NSRP1: variants seen among roughly 807,000 people sequenced by gnomAD.
The protein encoded by NSRP1 is nuclear speckle splicing regulatory protein 1.
A neutral mutation model predicts 54.7 loss-of-function variants in NSRP1; 24 were observed. The ratio of observed to expected loss-of-function variants is 0.44; its 90% confidence interval spans 0.32 to 0.62. The LOEUF is 0.62. Among genes scored for constraint, NSRP1 ranks in the 20% least tolerant of loss-of-function variants. The pLI is 0.06. For missense variants in NSRP1, 596 were observed against 651.2 expected (o/e 0.92, Z 0.92); for synonymous variants, 210 against 213.8 (o/e 0.98, Z 0.15).
At chr17:30,147,408 G>A (rs773683944) in intron 2 of NSRP1, among the ~76,000 whole-genome samples, 1 of 152,004 alleles carries the variant, frequency 6.6e-6, no homozygotes, top group Non-Finnish European at 1.5e-5. Context: ...GGGATTACAG[G>A]TGTGAGCCAC....
At chr17:30,152,860 T>G (rs2071925523) in intron 2 of NSRP1, among the ~76,000 whole-genome samples, 1 of 151,880 alleles carries the variant, frequency 6.6e-6, no homozygotes, top group Non-Finnish European at 1.5e-5. Context: ...AGCTTTTGAT[T>G]CATATTTGCC....
chr17:30,182,253 C>T (rs1861174905), intron 6 of NSRP1, among the ~76,000 whole-genome samples: 1 of 152,022 alleles, frequency 6.6e-6, no homozygotes, highest in Non-Finnish European at 1.5e-5. Flanking sequence ...TAAATAGAAC[C>T]CAGCCTTCCT....
At position 30,164,379 on chromosome 17, in the gene NSRP1, A is replaced by G. The variant is rs571656663; in HGVS notation, c.115-8163A>G. 5.3e-5 allele frequency among the ~76,000 whole-genome samples: 8 copies of G among 152,320 alleles called. No individual in the cohort carries two copies. The South Asian group carries it at 1.7e-3, about 32-fold the overall frequency. On this transcript the variant is annotated intron_variant, in intron 2 of 6. Coordinates refer to ENST00000247026, the MANE Select transcript of NSRP1 (RefSeq NM_032141.4). Reference sequence around the variant, plus strand: ...ATATTAGTGTGTTTTTTGTACTTTTAGAACAGTTCTAATGTTTGCATTTGA... The same window carrying G: ...ATATTAGTGTGTTTTTTGTACTTTTGGAACAGTTCTAATGTTTGCATTTGA...
Position 30,185,166 on chromosome 17 carries a change from G to A in NSRP1, c.1169G>A (p.Arg390Lys). Residue 390 changes from arginine (R) to lysine (K), a missense_variant, in exon 7 of 7, where the codon AGA becomes AAA. By Grantham distance (26) the Arg-to-Lys change is conservative. Coordinates refer to ENST00000247026, the MANE Select transcript of NSRP1 (RefSeq NM_032141.4). ...AAAGATAGGGAGAAATATTCCCAAAGAGAACAAGAAAGAGATAGACAACAA... is the reference window on the plus strand; with the variant it reads ...AAAGATAGGGAGAAATATTCCCAAAAAGAACAAGAAAGAGATAGACAACAA... ...REKDREKYSQ[R>K]EQERDRQQND... is the part of the protein sequence containing the mutation. The A allele has an allele frequency of 6.3e-7, 1 of 1,581,354 alleles. No individual in the cohort carries two copies. Among genetic ancestry groups the A allele is most frequent in the South Asian group, 1.1e-5 (1 of 87,400 alleles).
Position 30,184,750 on chromosome 17 carries a change from T to C in NSRP1, c.753T>C (p.Asp251=). The C allele has an allele frequency of 1.2e-6, 2 of 1,614,126 alleles. No homozygotes were observed. Among genetic ancestry groups the C allele is most frequent in the South Asian group, 1.1e-5 (1 of 91,054 alleles). ...EENPDADSDF[D]AKSSADDEIE... is the part of the protein sequence containing the mutation. ...ACCCAGATGCAGACAGTGACTTCGA[T>C]GCTAAGAGCAGTGCGGATGATGAAA... Residue 251 remains aspartate, a synonymous_variant, in exon 7 of 7, where the codon GAT becomes GAC. Transcript: ENST00000247026.
At chr17:30,122,387 T>TA (rs56155916) in intron 2 of NSRP1, 42 of 8,818 alleles carry the variant, frequency 4.8e-3, no homozygotes, top group Non-Finnish European at 7.1e-3. Flanking sequence ...ATATATATAT[T>TA]TTTTTTTTTT....
intron 5 of NSRP1, among the ~76,000 whole-genome samples, chr17:30,180,514 A>G (rs74328037): frequency 0.034 from 5,136 of 152,308 alleles, 258 homozygotes; most frequent in African/African-American, 0.12. Context: ...AGCATGTACT[A>G]TGTGTTTAGA....
intron 2 of NSRP1, among the ~76,000 whole-genome samples, chr17:30,119,354 G>A (rs565562762): frequency 6.6e-6 from 1 of 152,122 alleles, no homozygotes; most frequent in South Asian, 2.1e-4. Context: ...TGGGATTACA[G>A]GTGCCCCACC....
chr17:30,162,861 A>G (rs1460298181), intron 2 of NSRP1, among the ~76,000 whole-genome samples: 1 of 152,002 alleles, frequency 6.6e-6, no homozygotes, highest in African/African-American at 2.4e-5. Context: ...CTGGTGAAGG[A>G]GTACCAATAA....
intron 2 of NSRP1, chr17:30,168,907 T>G (rs1904830835): frequency 6.6e-6 from 1 of 152,034 alleles, no homozygotes; most frequent in Non-Finnish European, 1.5e-5. Flanking sequence ...AGATCATCAG[T>G]TTTTCCTGAC....
intron 2 of NSRP1, among the ~76,000 whole-genome samples, chr17:30,153,506 C>T (rs1428320591): frequency 6.6e-6 from 1 of 152,132 alleles, no homozygotes; most frequent in Non-Finnish European, 1.5e-5. Flanking sequence ...AATACCTTGG[C>T]ACACTCTGGC....
intron 2 of NSRP1, among the ~76,000 whole-genome samples, chr17:30,152,128 AT>A (rs917535560): frequency 3.2e-4 from 43 of 133,756 alleles, no homozygotes; most frequent in Non-Finnish European, 2.6e-4. Flanking sequence ...ATTTGAAATA[AT>A]TTTTTTTTTT....
intron 6 of NSRP1, among the ~76,000 whole-genome samples, chr17:30,183,672 A>G (rs1403771483): frequency 6.6e-6 from 1 of 152,198 alleles, no homozygotes; most frequent in Admixed American, 6.5e-5. Context: ...TATTTACATT[A>G]TACTCATACT....
At chr17:30,150,020 T>G (rs535083347) in intron 2 of NSRP1, 7 of 152,172 alleles carry the variant, frequency 4.6e-5, no homozygotes, top group Non-Finnish European at 1.0e-4. Context: ...TCTCTACAGA[T>G]TTACCTATTT....
At chr17:30,140,940 A>G (rs1431913159) in intron 2 of NSRP1, among the ~76,000 whole-genome samples, 5 of 151,908 alleles carry the variant, frequency 3.3e-5, no homozygotes, top group Admixed American at 1.3e-4. Context: ...TCAACCTCCT[A>G]AGTAGCTGGG....
chr17:30,136,186 A>G (rs1445405641), intron 2 of NSRP1, among the ~76,000 whole-genome samples: 2 of 152,190 alleles, frequency 1.3e-5, no homozygotes, highest in Non-Finnish European at 2.9e-5. Flanking sequence ...AAAAACAAAA[A>G]GAGTATTGGG....
At position 30,147,709 on chromosome 17, in the gene NSRP1, C is replaced by T. The variant is rs184242843; in HGVS notation, c.115-24833C>T. 7.9e-5 allele frequency among the ~76,000 whole-genome samples: 12 copies of T among 151,968 alleles called. No homozygotes were observed. The East Asian group carries it at 1.4e-3, about 17-fold the overall frequency. ...CAATCTCCTGATGTCGTGATCTGCC[C>T]GCCTCAGCCTCCTAAAGTGCTGGGA... is the stretch of plus-strand genomic sequence containing the variant. On this transcript the variant is annotated intron_variant, in intron 2 of 6. Transcript: ENST00000247026.
chr17:30,151,919 G>A (rs113112232), intron 2 of NSRP1, among the ~76,000 whole-genome samples: 3,268 of 149,848 alleles, frequency 0.022, 90 homozygotes, highest in African/African-American at 0.072. Context: ...ACAGGCATGC[G>A]CCACCACGCC....
At chr17:30,172,014 T>TCTCTCTCTCTCTCTCTCTCTCTCACA (rs144705088) in intron 2 of NSRP1, among the ~76,000 whole-genome samples, 5 of 131,054 alleles carry the variant, frequency 3.8e-5, no homozygotes, top group African/African-American at 5.5e-5. Context: ...TCTCTCTCTC[T>TCTCTCTCTCTCTCTCTCTCTCTCACA]CACATGTTCA....
Sources: gnomAD v4.1 joint callset for allele counts (sites outside exome capture counted in the v4.1 genomes callset) on GRCh38, gnomAD v4.1.1 for gene constraint, MANE v1.5 for transcripts, NCBI Gene and HGNC (gene_info 2026-07-23, HGNC 2026-07-21) for gene names.